The following CHSY1 variants were observed in gnomAD, a reference collection of about 807,000 sequenced individuals.
CHSY1 encodes the protein chondroitin sulfate synthase 1.
In CHSY1, 13 loss-of-function variants were observed where a neutral mutation model predicts 59.8. That is an observed-to-expected ratio of 0.22 (90% confidence interval 0.14 to 0.35). The LOEUF (loss-of-function observed/expected upper bound fraction) is 0.35, where lower values mean the gene tolerates loss of function less well. Ranked by LOEUF, CHSY1 falls within the 10% of genes least tolerant of loss-of-function variation. The pLI, the probability that CHSY1 is intolerant of heterozygous loss-of-function variation, is 1.00. For synonymous variants in CHSY1, 459 were observed against 401.2 expected (o/e 1.14, Z -1.72); for missense variants, 947 against 1,030.6 (o/e 0.92, Z 1.11).
At chr15:101,227,459 C>T (rs542905578) in intron 2 of CHSY1, among the ~76,000 whole-genome samples, 60 of 152,224 alleles carry the variant, frequency 3.9e-4, no homozygotes, top group African/African-American at 1.2e-3. Flanking sequence ...TAACCATACA[C>T]GCAGTGTGTG....
At chr15:101,246,871 A>C (rs1230603650) in intron 1 of CHSY1, among the ~76,000 whole-genome samples, 1 of 130,204 alleles carries the variant, frequency 7.7e-6, no homozygotes, top group Non-Finnish European at 1.5e-5. Context: ...CATAACTAAA[A>C]AGAAAATGTT....
chr15:101,219,938 G>GT (rs1248519810), intron 2 of CHSY1, among the ~76,000 whole-genome samples: 8 of 152,104 alleles, frequency 5.3e-5, no homozygotes, highest in Non-Finnish European at 1.0e-4. Context: ...GGCTAATTTT[G>GT]TGAGGGGGTT....
chr15:101,217,717 G>A (rs1226357226), intron 2 of CHSY1, among the ~76,000 whole-genome samples: 4 of 152,264 alleles, frequency 2.6e-5, no homozygotes, highest in Admixed American at 6.5e-5. Context: ...ATATAAATAC[G>A]CATGGGGCCA....
chr15:101,182,975 A>G (rs2038300409), intron 2 of CHSY1, among the ~76,000 whole-genome samples: 1 of 152,210 alleles, frequency 6.6e-6, no homozygotes, highest in Non-Finnish European at 1.5e-5. Context: ...AAAACACAAC[A>G]ACAAAAACAA....
At position 101,177,528 on chromosome 15, in the gene CHSY1, G is replaced by A. The variant is rs1253535993; in HGVS notation, c.2269C>T (p.Pro757Ser). The A allele has an allele frequency of 6.2e-7, 1 of 1,613,512 alleles. No individual in the cohort carries two copies. Among genetic ancestry groups the A allele is most frequent in the South Asian group, 1.1e-5 (1 of 91,074 alleles). ...HPVFCDPNLD[P>S]KQYKMCLGSK... ...CCCAAGCACATTTTGTACTGTTTGG[G>A]GTCAAGATTGGGATCACAAAAGACA... is the stretch of plus-strand genomic sequence containing the variant. The change falls in exon 3 of 3, where the codon CCC becomes TCC. Residue 757 changes from proline (P) to serine (S), a missense_variant. Physicochemically the swap from Pro to Ser is moderately conservative, Grantham distance 74 (BLOSUM62 -1). This residue lies in a region of CHSY1 where 602 missense variants were observed against 676.9 expected (regional missense o/e 0.89). Coordinates refer to ENST00000254190, the MANE Select transcript of CHSY1 (RefSeq NM_014918.5).
At chr15:101,191,270 G>A (rs142370223) in intron 2 of CHSY1, among the ~76,000 whole-genome samples, 83 of 152,256 alleles carry the variant, frequency 5.5e-4, no homozygotes, top group African/African-American at 1.8e-3. Context: ...GAAAAGACAC[G>A]GAAGAAAGTT....
At chr15:101,182,208 T>C (rs2038289769) in intron 2 of CHSY1, among the ~76,000 whole-genome samples, 1 of 152,246 alleles carries the variant, frequency 6.6e-6, no homozygotes, top group South Asian at 2.1e-4. Flanking sequence ...TTAGTGGTAC[T>C]TCATATGGGT....
intron 2 of CHSY1, among the ~76,000 whole-genome samples, chr15:101,222,929 C>G (rs572523941): frequency 3.9e-5 from 6 of 152,186 alleles, no homozygotes; most frequent in Non-Finnish European, 8.8e-5. Flanking sequence ...AGCTCCACTT[C>G]CAGGAGGAAG....
In CHSY1 at chr15:101,178,434, A is replaced by G. The variant is rs758801217; in HGVS notation, c.1363T>C (p.Tyr455His). ...AEYILDLLLL[Y>H]KKHKGKKMTV... ...ATTTTCTTCCCTTTGTGCTTTTTGT[A>G]CAGAAGCAGCAGGTCCAGGATGTAC... The change falls in exon 3 of 3, where the codon TAC (tyrosine) becomes CAC (histidine). Residue 455 changes from tyrosine to histidine, a missense_variant. This residue lies in a region of CHSY1 where 602 missense variants were observed against 676.9 expected (regional missense o/e 0.89). Coordinates refer to ENST00000254190, the MANE Select transcript of CHSY1 (RefSeq NM_014918.5). 64 of 1,613,890 alleles carry G rather than the reference A, an allele frequency of 4.0e-5. 1 individual carries two copies. Among genetic ancestry groups the G allele is most frequent in the Non-Finnish European group, 5.3e-5 (62 of 1,179,962 alleles).
chr15:101,182,566 G>A (rs2038294888), intron 2 of CHSY1, among the ~76,000 whole-genome samples: 1 of 152,230 alleles, frequency 6.6e-6, no homozygotes, highest in African/African-American at 2.4e-5. Flanking sequence ...AGCACAAGGT[G>A]GTGAGGTGCA....
Position 101,251,417 on chromosome 15 carries a change from G to A in CHSY1, c.40C>T (p.Leu14Phe), listed in dbSNP as rs1305148265. Residue 14 changes from leucine to phenylalanine, a missense_variant, in exon 1 of 3, where the codon CTC becomes TTC. Physicochemically the swap from Leu to Phe is conservative, Grantham distance 22. Transcript: ENST00000254190. Reference protein sequence around the residue: ...RGRRAWLSVLLGLVLGFVLAS... With the variant: ...RGRRAWLSVLFGLVLGFVLAS... ...AGCACGAAGCCCAGGACGAGCCCGA[G>A]CAGCACGCTGAGCCAGGCGCGCCGG... 33 of 1,131,884 alleles carry A rather than the reference G, an allele frequency of 2.9e-5. No individual in the cohort carries two copies. In the East Asian group the frequency reaches 1.6e-3, roughly 53 times the overall value. 70.1% of individuals were successfully genotyped at this position (1,131,884 alleles called of 1,614,324 possible).
At chr15:101,229,841 A>G (rs966664903) in intron 2 of CHSY1, among the ~76,000 whole-genome samples, 7 of 151,972 alleles carry the variant, frequency 4.6e-5, no homozygotes, top group Admixed American at 3.9e-4. Flanking sequence ...GAGGAGGCAG[A>G]GGTTGCAGTG....
chr15:101,225,794 G>C (rs1374793502), intron 2 of CHSY1, among the ~76,000 whole-genome samples: 1 of 152,190 alleles, frequency 6.6e-6, no homozygotes, highest in African/African-American at 2.4e-5. Flanking sequence ...AGCCGTGTGA[G>C]AACGGACTAA....
chr15:101,196,216 C>G (rs1383490833), intron 2 of CHSY1, among the ~76,000 whole-genome samples: 1 of 138,496 alleles, frequency 7.2e-6, no homozygotes. Flanking sequence ...GGTGACAGAG[C>G]GAGAAGCAGT....
At chr15:101,244,156 T>A (rs192092932) in intron 1 of CHSY1, among the ~76,000 whole-genome samples, 1 of 152,194 alleles carries the variant, frequency 6.6e-6, no homozygotes, top group African/African-American at 2.4e-5. Flanking sequence ...TTGTAAACTG[T>A]AGCTAGGTTT....
chr15:101,229,946 CTT>C (rs796312516), intron 2 of CHSY1, among the ~76,000 whole-genome samples: 9 of 142,306 alleles, frequency 6.3e-5, no homozygotes, highest in Admixed American at 2.8e-4. Flanking sequence ...CAATATCCCA[CTT>C]TTTTTTTTTT....
At chr15:101,222,491 C>T (rs2038799882) in intron 2 of CHSY1, among the ~76,000 whole-genome samples, 1 of 152,176 alleles carries the variant, frequency 6.6e-6, no homozygotes, top group South Asian at 2.1e-4. Flanking sequence ...TACACTATTA[C>T]CTAGAGTGCA....
At chr15:101,200,598 C>G (rs942506294) in intron 2 of CHSY1, among the ~76,000 whole-genome samples, 5 of 152,200 alleles carry the variant, frequency 3.3e-5, no homozygotes, top group African/African-American at 1.2e-4. Flanking sequence ...CCCTGCACCC[C>G]CAGATGGGTC....
chr15:101,199,497 C>T (rs2038548313), intron 2 of CHSY1, among the ~76,000 whole-genome samples: 1 of 152,074 alleles, frequency 6.6e-6, no homozygotes, highest in African/African-American at 2.4e-5. Context: ...GGTGAGACTC[C>T]GTCTCAAAAA....
Sources: allele counts gnomAD v4.1 joint callset (sites outside exome capture counted in the v4.1 genomes callset), GRCh38; gene constraint gnomAD v4.1.1; regional missense constraint gnomAD v4.1.1; transcripts MANE v1.5; gene names NCBI Gene and HGNC (gene_info 2026-07-23, HGNC 2026-07-21).